CABCOCO1: variants seen among roughly 807,000 people sequenced by gnomAD.
CABCOCO1 encodes ciliary associated calcium binding coiled-coil 1, also known as ciliary-associated calcium-binding coiled-coil protein 1.
A neutral mutation model predicts 35.7 loss-of-function variants in CABCOCO1; 28 were observed. The ratio of observed to expected loss-of-function variants is 0.78; its 90% confidence interval spans 0.58 to 1.07. The LOEUF (loss-of-function observed/expected upper bound fraction) is 1.07, where lower values mean the gene tolerates loss of function less well. CABCOCO1 is among the 50% of genes least tolerant of loss of function. CABCOCO1 has a pLI of 0.00. For synonymous variants in CABCOCO1, 95 were observed against 100.1 expected (o/e 0.95, Z 0.30); for missense variants, 326 against 309.2 (o/e 1.05, Z -0.41).
chr10:61,708,427 T>G (rs1163375846), intron 5 of CABCOCO1, among the ~76,000 whole-genome samples: 2 of 152,084 alleles, frequency 1.3e-5, no homozygotes, highest in Non-Finnish European at 2.9e-5. Flanking sequence ...TTCGGGCTGC[T>G]ATAACAAAAA....
chr10:61,717,432 T>C (rs1840894183), intron 5 of CABCOCO1, among the ~76,000 whole-genome samples: 1 of 149,138 alleles, frequency 6.7e-6, no homozygotes, highest in Admixed American at 6.6e-5. Context: ...TATTAACATC[T>C]TTAACTGCCA....
At chr10:61,666,967 T>A (rs1025569583) in intron 1 of CABCOCO1, among the ~76,000 whole-genome samples, 1 of 140,854 alleles carries the variant, frequency 7.1e-6, no homozygotes, top group African/African-American at 2.6e-5. Flanking sequence ...AATATAATTA[T>A]ATATTATATA....
chr10:61,677,159 A>C (rs1839540118), intron 2 of CABCOCO1, among the ~76,000 whole-genome samples: 1 of 152,140 alleles, frequency 6.6e-6, no homozygotes, highest in Admixed American at 6.5e-5. Flanking sequence ...TGGAGTATAG[A>C]GAAGTGGACC....
chr10:61,705,753 T>C (rs1840578401), intron 5 of CABCOCO1, among the ~76,000 whole-genome samples: 1 of 152,186 alleles, frequency 6.6e-6, no homozygotes, highest in African/African-American at 2.4e-5. Context: ...GTGGAGTTAG[T>C]TGAGCATTTA....
intron 5 of CABCOCO1, among the ~76,000 whole-genome samples, chr10:61,753,299 C>T (rs1841831344): frequency 6.6e-6 from 1 of 151,988 alleles, no homozygotes; most frequent in Admixed American, 6.6e-5. Context: ...CAAGGGTATG[C>T]CTTGAACCTA....
chr10:61,703,727 A>AC (rs1840524441), intron 5 of CABCOCO1, among the ~76,000 whole-genome samples: 1 of 151,906 alleles, frequency 6.6e-6, no homozygotes, highest in South Asian at 2.1e-4. Flanking sequence ...TCTCTCTCAC[A>AC]CACACACACA....
chr10:61,753,107 CTAATA>C (rs1166260270), intron 5 of CABCOCO1, among the ~76,000 whole-genome samples: 2 of 152,042 alleles, frequency 1.3e-5, no homozygotes, highest in Non-Finnish European at 1.5e-5. Flanking sequence ...AGAGTATTCT[CTAATA>C]TGAGAGTCAT....
intron 5 of CABCOCO1, among the ~76,000 whole-genome samples, chr10:61,693,563 A>G (rs1840213417): frequency 1.3e-5 from 2 of 152,142 alleles, no homozygotes; most frequent in African/African-American, 4.8e-5. Flanking sequence ...GAATATCACC[A>G]TGTGTCAACC....
At chr10:61,758,271 A>C (rs1841939345) in intron 5 of CABCOCO1, among the ~76,000 whole-genome samples, 1 of 151,996 alleles carries the variant, frequency 6.6e-6, no homozygotes, top group Admixed American at 6.6e-5. Context: ...TATTTATTTT[A>C]CCTATAATGT....
intron 7 of CABCOCO1, among the ~76,000 whole-genome samples, chr10:61,763,409 T>G (rs1250871045): frequency 1.3e-5 from 2 of 152,086 alleles, no homozygotes; most frequent in Non-Finnish European, 2.9e-5. Flanking sequence ...GAGATGTTAA[T>G]TAAAATTATA....
chr10:61,692,176 G>T (rs10994878), intron 5 of CABCOCO1, among the ~76,000 whole-genome samples: 60,928 of 151,880 alleles, frequency 0.4, 14,272 homozygotes, highest in Middle Eastern at 0.54. Flanking sequence ...ACTTTTTAAT[G>T]ATCACCATTT....
At chr10:61,701,048 C>T (rs1316829210) in intron 5 of CABCOCO1, among the ~76,000 whole-genome samples, 1 of 151,876 alleles carries the variant, frequency 6.6e-6, no homozygotes, top group Non-Finnish European at 1.5e-5. Flanking sequence ...CCTGGGTTGT[C>T]AAGAAAATGA....
At chr10:61,689,544 T>C (rs1272355230) in intron 4 of CABCOCO1, among the ~76,000 whole-genome samples, 1 of 152,206 alleles carries the variant, frequency 6.6e-6, no homozygotes, top group East Asian at 1.9e-4. Context: ...TCTTCATTGA[T>C]TTCAAATGAA....
chr10:61,693,897 G>A (rs1181217733), intron 5 of CABCOCO1, among the ~76,000 whole-genome samples: 1 of 151,976 alleles, frequency 6.6e-6, no homozygotes, highest in Non-Finnish European at 1.5e-5. Flanking sequence ...TGAACCTATA[G>A]ATTAAAAAAT....
chr10:61,681,147 CTG>C lies in CABCOCO1; in HGVS notation c.170_171del (p.Leu57GlnfsTer10). On this transcript the variant is annotated frameshift_variant, in exon 3 of 8. Transcript: ENST00000648843. LOFTEE classifies it high-confidence loss of function. The part of the protein sequence containing the change: ...MEDIDGVQEK[L>X]RIFLNFKNLE... ...GATTTTTGTTTTATTTTACAGAAAA[CTG>C]AGAATATTTTTGAATTTCAAAAACC... 1.4e-6 allele frequency: 2 copies of C among 1,437,416 alleles called. No individual in the cohort carries two copies. The highest frequency in any genetic ancestry group is 2.5e-5 in the East Asian group (1 of 39,226). The allele number at this position is 1,437,416 out of a possible 1,614,324, so 89.0% of individuals were successfully genotyped here.
At chr10:61,666,929 A>ATATAAATATAATTATATATG (rs1564527290) in intron 1 of CABCOCO1, among the ~76,000 whole-genome samples, 2 of 125,530 alleles carry the variant, frequency 1.6e-5, no homozygotes, top group East Asian at 2.3e-4. Flanking sequence ...CATATATTAT[A>ATATAAATATAATTATATATG]TATAAATATA....
intron 3 of CABCOCO1, among the ~76,000 whole-genome samples, chr10:61,683,646 A>G (rs765852375): frequency 6.6e-6 from 1 of 152,214 alleles, no homozygotes; most frequent in Non-Finnish European, 1.5e-5. Flanking sequence ...ACATTTTCCA[A>G]TTAATTATAA....
chr10:61,673,723 A>G (rs1442164898), intron 2 of CABCOCO1, among the ~76,000 whole-genome samples: 1 of 152,228 alleles, frequency 6.6e-6, no homozygotes, highest in Non-Finnish European at 1.5e-5. Flanking sequence ...AGCGCTGGCA[A>G]CCTCTGCTGG....
intron 5 of CABCOCO1, among the ~76,000 whole-genome samples, chr10:61,694,659 C>T (rs1406365555): frequency 6.6e-6 from 1 of 151,796 alleles, no homozygotes; most frequent in Non-Finnish European, 1.5e-5. Context: ...GAAAGCTCAG[C>T]TAGCAAAGCT....
Sources: allele counts gnomAD v4.1 joint callset (sites outside exome capture counted in the v4.1 genomes callset), GRCh38; gene constraint gnomAD v4.1.1; transcripts MANE v1.5; gene names NCBI Gene and HGNC (gene_info 2026-07-23, HGNC 2026-07-21).